Variants in KHDRBS2 observed in about 807,000 individuals in gnomAD.
The protein encoded by KHDRBS2 is KH domain-containing, RNA-binding, signal transduction-associated protein 2.
Under a neutral mutation model 44.3 loss-of-function variants are expected in KHDRBS2, and 26 were observed. The ratio of observed to expected loss-of-function variants is 0.59; its 90% CI spans 0.43 to 0.81. The LOEUF (loss-of-function observed/expected upper bound fraction) is 0.81. Ranked by LOEUF, KHDRBS2 falls within the 40% of genes least tolerant of loss-of-function variation. KHDRBS2 has a pLI of 0.00. For synonymous variants in KHDRBS2, 194 were observed against 151.1 expected, an observed-to-expected ratio of 1.28 and a Z score of -2.08; for missense variants, 476 against 433.1, an observed-to-expected ratio of 1.10 and a Z score of -0.88.
intron 6 of KHDRBS2, among the ~76,000 whole-genome samples, chr6:61,790,373 A>G (rs1167135705): frequency 6.6e-6 from 1 of 150,704 alleles, no homozygotes; most frequent in African/African-American, 2.4e-5. Flanking sequence ...AAAGAAGTTA[A>G]TCAAAGCTTT....
chr6:61,659,271 G>T, the KHDRBS2 span: 1 of 151,740 alleles, frequency 6.6e-6, no homozygotes, highest in Non-Finnish European at 1.5e-5. Flanking sequence ...AAGTCCCTTT[G>T]TCCCCAAGAA....
intron 6 of KHDRBS2, among the ~76,000 whole-genome samples, chr6:61,749,261 C>T (rs529858178): frequency 2.6e-5 from 4 of 152,014 alleles, no homozygotes; most frequent in Non-Finnish European, 5.9e-5. Flanking sequence ...GATCCACATG[C>T]CTCGGCCTCC....
chr6:62,040,526 A>G (rs1256372456), intron 3 of KHDRBS2, among the ~76,000 whole-genome samples: 1 of 152,068 alleles, frequency 6.6e-6, no homozygotes, highest in Admixed American at 6.6e-5. Context: ...GGCCATAGAT[A>G]GGAAGACTTG....
intron 3 of KHDRBS2, among the ~76,000 whole-genome samples, chr6:62,026,468 T>C (rs1248423212): frequency 2.0e-5 from 3 of 151,108 alleles, no homozygotes; most frequent in African/African-American, 7.3e-5. Context: ...GGTCTCATTC[T>C]GTTGTCGAGG....
rs1783663553 is a variant in KHDRBS2 at position 61,785,513 on chromosome 6, T to C, written c.811-52749A>G. ...ACTAAGGTGAAGTGCAATTTGACCC[T>C]TTTTTGAAAAATAAAATGTGTGTTT... On this transcript the variant is annotated intron_variant, in intron 6 of 8. Transcript: ENST00000281156. Among the ~76,000 whole-genome samples the C allele has an allele frequency of 2.6e-5, 4 of 152,196 alleles. No individual in the cohort carries two copies. The South Asian group carries it at 8.3e-4, about 32-fold the overall frequency.
At chr6:62,084,651 A>G (rs1449408480) in intron 2 of KHDRBS2, among the ~76,000 whole-genome samples, 2 of 152,202 alleles carry the variant, frequency 1.3e-5, no homozygotes, top group Non-Finnish European at 2.9e-5. Context: ...CTGAACTAAT[A>G]AAGATATTTT....
chr6:61,765,897 G>T (rs558240218), intron 6 of KHDRBS2, among the ~76,000 whole-genome samples: 1 of 151,924 alleles, frequency 6.6e-6, no homozygotes, highest in South Asian at 2.1e-4. Flanking sequence ...TTTTATTGGG[G>T]ATATTTGCAG....
intron 1 of KHDRBS2, among the ~76,000 whole-genome samples, chr6:62,285,334 A>C (rs1350232152): frequency 1.3e-5 from 2 of 152,236 alleles, no homozygotes; most frequent in Non-Finnish European, 2.9e-5. Context: ...TTTACTTACC[A>C]CATTAACATA....
intron 2 of KHDRBS2, among the ~76,000 whole-genome samples, chr6:62,111,684 C>T (rs1385197697): frequency 2.1e-4 from 32 of 152,022 alleles, no homozygotes; most frequent in Admixed American, 2.1e-3. Context: ...GAGTTAGAGA[C>T]CAACCTGGGA....
chr6:62,040,381 C>T (rs1786211369), intron 3 of KHDRBS2, among the ~76,000 whole-genome samples: 1 of 151,920 alleles, frequency 6.6e-6, no homozygotes, highest in African/African-American at 2.4e-5. Flanking sequence ...TTTATTGTTG[C>T]ATAACTAACC....
intron 7 of KHDRBS2, among the ~76,000 whole-genome samples, chr6:61,701,159 C>G (rs1371716546): frequency 6.6e-6 from 1 of 151,724 alleles, no homozygotes; most frequent in Admixed American, 6.6e-5. Flanking sequence ...ATACTTTGCT[C>G]GAGAAAAATG....
At chr6:61,735,915 GTC>G (rs1032544739) in intron 6 of KHDRBS2, among the ~76,000 whole-genome samples, 1 of 151,756 alleles carries the variant, frequency 6.6e-6, no homozygotes, top group African/African-American at 2.4e-5. Flanking sequence ...GATTTGTTTT[GTC>G]TCTTTTTTAT....
Position 62,130,542 on chromosome 6 carries a change from G to T in KHDRBS2, c.219+46643C>A, listed in dbSNP as rs568686280. Reference sequence around the variant, plus strand: ...GTTAATGAGCAATGGTATTTATAAAGAAACTTTTATTAACATAATTGTTTT... The same window carrying T: ...GTTAATGAGCAATGGTATTTATAAATAAACTTTTATTAACATAATTGTTTT... On this transcript the variant is annotated intron_variant, in intron 2 of 8. Coordinates refer to ENST00000281156, the MANE Select transcript of KHDRBS2 (RefSeq NM_152688.4). 2.6e-5 allele frequency among the ~76,000 whole-genome samples: 4 copies of T among 151,322 alleles called. No homozygotes were observed. The South Asian group carries it at 6.3e-4, about 24-fold the overall frequency.
the KHDRBS2 span, among the ~76,000 whole-genome samples, chr6:61,624,809 C>T: frequency 6.6e-6 from 1 of 152,062 alleles, no homozygotes; most frequent in Non-Finnish European, 1.5e-5. Context: ...GACCCAAGAA[C>T]CAAGGGCTGG....
chr6:61,966,799 C>T (rs1770042457), intron 4 of KHDRBS2, among the ~76,000 whole-genome samples: 1 of 151,880 alleles, frequency 6.6e-6, no homozygotes, highest in East Asian at 1.9e-4. Flanking sequence ...CTGGCTCAGA[C>T]ATTTCTTTTT....
At chr6:62,099,781 A>G (rs919448638) in intron 2 of KHDRBS2, among the ~76,000 whole-genome samples, 23 of 152,184 alleles carry the variant, frequency 1.5e-4, no homozygotes, top group African/African-American at 5.5e-4. Flanking sequence ...CTGCTGAGGT[A>G]GGTCTCAGGA....
At chr6:62,140,972 A>G (rs17458901) in intron 2 of KHDRBS2, among the ~76,000 whole-genome samples, 12,303 of 152,274 alleles carry the variant, frequency 0.081, 540 homozygotes, top group African/African-American at 0.11. Context: ...ACAGTTTTGA[A>G]AGAACAATAA....
chr6:62,205,455 C>T (rs9354804), intron 1 of KHDRBS2, among the ~76,000 whole-genome samples: 2 of 151,810 alleles, frequency 1.3e-5, no homozygotes, highest in African/African-American at 4.8e-5. Context: ...ACACAAAGTA[C>T]GGTCTTCTTT....
chr6:62,050,910 A>G (rs1788878061), intron 2 of KHDRBS2, among the ~76,000 whole-genome samples: 1 of 152,096 alleles, frequency 6.6e-6, no homozygotes, highest in Non-Finnish European at 1.5e-5. Context: ...TCCTAGAAGT[A>G]CGGACAAACA....
Sources: gnomAD v4.1 joint callset for allele counts (sites outside exome capture counted in the v4.1 genomes callset) on GRCh38, gnomAD v4.1.1 for gene constraint, MANE v1.5 for transcripts, NCBI Gene and HGNC (gene_info 2026-07-23, HGNC 2026-07-21) for gene names.